The following MFSD1 variants were observed in gnomAD, a reference collection of about 807,000 sequenced individuals.
The protein encoded by MFSD1 is major facilitator superfamily domain containing 1.
Under a neutral mutation model 67.1 loss-of-function variants are expected in MFSD1, and 59 were observed. The observed-to-expected ratio is 0.88, with a 90% CI of 0.71 to 1.09. The LOEUF (loss-of-function observed/expected upper bound fraction) is 1.09. MFSD1 is among the 50% of genes least tolerant of loss of function. The pLI is 0.00. For missense variants in MFSD1, 552 were observed against 566.1 expected, an observed-to-expected ratio of 0.97 and a Z score of 0.25; for synonymous variants, 213 against 200.3, an observed-to-expected ratio of 1.06 and a Z score of -0.54.
At position 158,802,095 on chromosome 3, in the gene MFSD1, C is replaced by G. The variant is rs1729469609; in HGVS notation, c.-58C>G. 1.9e-6 allele frequency: 3 copies of G among 1,592,574 alleles called. No individual in the cohort carries two copies. The African/African-American group carries it at 4.0e-5, about 21-fold the overall frequency. On this transcript the variant is annotated 5_prime_UTR_variant, in exon 1 of 16. Coordinates refer to ENST00000415822, the MANE Select transcript of MFSD1 (RefSeq NM_022736.4). ...TCTTGACAGTGTTCCACGGGCGCTG[C>G]TTCCTGCCTGGGTTTGGAGTTGTCA...
chr3:158,811,116 T>C (rs185064504), intron 6 of MFSD1, among the ~76,000 whole-genome samples: 84 of 152,340 alleles, frequency 5.5e-4, no homozygotes, highest in African/African-American at 1.9e-3. Context: ...TGTGTATGTA[T>C]TTTCTTTTGA....
At chr3:158,807,176 C>G in intron 4 of MFSD1, 94 bp downstream of exon 4, 2 of 1,204,136 alleles carry the variant, frequency 1.7e-6, no homozygotes, top group South Asian at 2.6e-5. Flanking sequence ...TAATTAATGC[C>G]TAGCTTAATT....
intron 7 of MFSD1, 32 bp downstream of exon 7, chr3:158,814,099 C>T (rs1293050695): frequency 6.6e-7 from 1 of 1,509,166 alleles, no homozygotes; most frequent in Non-Finnish European, 9.2e-7. Flanking sequence ...CATCTCTCCT[C>T]TTCTGAAGGC....
At chr3:158,816,694 C>T (rs1016293587) in intron 7 of MFSD1, among the ~76,000 whole-genome samples, 2 of 151,328 alleles carry the variant, frequency 1.3e-5, no homozygotes, top group Non-Finnish European at 2.9e-5. Flanking sequence ...GTTGCCATTG[C>T]TTTTGGTGTT....
At chr3:158,805,249 C>A in intron 2 of MFSD1, 113 bp from the exon 3 acceptor site, 1 of 876,670 alleles carries the variant, frequency 1.1e-6, no homozygotes, top group Non-Finnish European at 1.9e-6. Flanking sequence ...AAAACTTGCC[C>A]TTTACAGAAA....
Position 158,817,166 on chromosome 3 carries a change from G to A in MFSD1, c.653-2483G>A, listed in dbSNP as rs184207121. ...CATACTGAATGGGCAAAAACTGGAA[G>A]CATTCCCTTTGAAAACTGGCACAAG... On this transcript the variant is annotated intron_variant, in intron 7 of 15. Transcript: ENST00000415822. 2.3e-3 allele frequency among the ~76,000 whole-genome samples: 355 copies of A among 152,238 alleles called. 2 individuals are homozygous for A. Among genetic ancestry groups the A allele is most frequent in the African/African-American group, 8.2e-3 (339 of 41,534 alleles).
At chr3:158,822,230 T>C in intron 11 of MFSD1, 90 bp downstream of exon 11, 1 of 1,274,862 alleles carries the variant, frequency 7.8e-7, no homozygotes, top group Non-Finnish European at 1.1e-6. Flanking sequence ...CAAATTCAGA[T>C]GACAAGGCCT....
rs1485769603 is a variant in MFSD1 at position 158,826,169 on chromosome 3, CT to C, written c.1336+110del. 2.2e-5 allele frequency: 17 copies of C among 771,590 alleles called. No homozygotes were observed. In the African/African-American group the frequency reaches 2.8e-4, roughly 13 times the overall value. 47.8% of individuals were successfully genotyped at this position (771,590 alleles called of 1,614,324 possible). On this transcript the variant is annotated intron_variant, in intron 14 of 15. Coordinates refer to ENST00000415822, the MANE Select transcript of MFSD1 (RefSeq NM_022736.4). ...AGTGCTTTATTCCATGCAGTAATGA[CT>C]TTCTGTTCATAATGATGGAAACACA...
chr3:158,819,848 A>C, intron 8 of MFSD1, 101 bp downstream of exon 8: 1 of 565,496 alleles, frequency 1.8e-6, no homozygotes, highest in Non-Finnish European at 3.1e-6. Flanking sequence ...AACCAGGTGG[A>C]GCTTAAGACA....
intron 7 of MFSD1, among the ~76,000 whole-genome samples, chr3:158,816,742 T>C (rs1730371294): frequency 6.6e-6 from 1 of 151,458 alleles, no homozygotes; most frequent in African/African-American, 2.4e-5. Context: ...ATGTCCTGAA[T>C]GGTAATGCCT....
chr3:158,810,677 G>A (rs764695942), intron 6 of MFSD1, among the ~76,000 whole-genome samples: 7 of 152,246 alleles, frequency 4.6e-5, no homozygotes, highest in Middle Eastern at 3.4e-3. Context: ...AGATATTTCC[G>A]CATTATCATT....
At chr3:158,813,786 T>G (rs2108216440) in intron 6 of MFSD1, among the ~76,000 whole-genome samples, 179 bp from the exon 7 acceptor site, 1 of 151,186 alleles carries the variant, frequency 6.6e-6, no homozygotes, top group South Asian at 2.1e-4. Flanking sequence ...TTTTCTGCTG[T>G]CGTAACTATC....
rs1321219959 is a variant in MFSD1 at position 158,829,699 on chromosome 3, T to TA, written c.*721dup. ...TAATTGCCTATGTACATGGATAAAT[T>TA]AAAACACTGCACACGGAGTACTTGA... On this transcript the variant is annotated 3_prime_UTR_variant, in exon 16 of 16. Transcript: ENST00000415822. The TA allele has an allele frequency of 6.6e-6, 1 of 152,236 alleles. No individual in the cohort carries two copies. The highest frequency in any genetic ancestry group is 1.5e-5 in the Non-Finnish European group (1 of 68,036). 9.4% of individuals were successfully genotyped at this position (152,236 alleles called of 1,614,324 possible).
chr3:158,823,537 C>A lies in MFSD1; in HGVS notation c.1175+12C>A. ...ACTGCATATGGCTTGTAAGTATTTA[C>A]GCTGTGGATCGTATATGTCTGTCTC... On this transcript the variant is annotated intron_variant, in intron 12 of 15. Transcript: ENST00000415822. 1.3e-6 allele frequency: 2 copies of A among 1,526,438 alleles called. No homozygotes were observed. The highest frequency in any genetic ancestry group is 1.8e-6 in the Non-Finnish European group (2 of 1,100,180). 94.6% of individuals were successfully genotyped at this position (1,526,438 alleles called of 1,614,324 possible).
Position 158,824,281 on chromosome 3 carries a change from C to A in MFSD1, c.1288+45C>A, listed in dbSNP as rs2108234725. On this transcript the variant is annotated intron_variant, in intron 13 of 15. Coordinates refer to ENST00000415822, the MANE Select transcript of MFSD1 (RefSeq NM_022736.4). ...ACATTTTGTTTCTTTTACTACATAA[C>A]AGAATGTTCTTATTTTTACTTAGGC... is the stretch of plus-strand genomic sequence containing the variant. 5 of 1,335,194 alleles carry A rather than the reference C, an allele frequency of 3.7e-6. No individual in the cohort carries two copies. The East Asian group carries it at 9.3e-5, about 25-fold the overall frequency. 82.7% of individuals were successfully genotyped at this position (1,335,194 alleles called of 1,614,324 possible). A position where few individuals can be genotyped will look rare whatever the true frequency, so the allele number is the denominator to read the frequency against.
rs371107884 is a variant in MFSD1 at position 158,829,024 on chromosome 3, C to T, written c.*42C>T. 2.1e-4 allele frequency: 324 copies of T among 1,567,242 alleles called. No homozygotes were observed. The highest frequency in any genetic ancestry group is 8.7e-4 in the Admixed American group (46 of 53,160). ...TGTCATGAGAATGGGCTTAACACATCGTTGGTTTGAAAACTTCCATTTTTA... is the reference window on the plus strand; with the variant it reads ...TGTCATGAGAATGGGCTTAACACATTGTTGGTTTGAAAACTTCCATTTTTA... On this transcript the variant is annotated 3_prime_UTR_variant, in exon 16 of 16. Transcript: ENST00000415822.
intron 3 of MFSD1, among the ~76,000 whole-genome samples, chr3:158,806,189 C>T (rs1729717061): frequency 6.6e-6 from 1 of 152,148 alleles, no homozygotes. Context: ...CACCTGGGGA[C>T]TAACCTTTAA....
chr3:158,812,699 G>A (rs1447594601), intron 6 of MFSD1, among the ~76,000 whole-genome samples: 2 of 152,180 alleles, frequency 1.3e-5, no homozygotes, highest in Non-Finnish European at 2.9e-5. Flanking sequence ...CTGCCAGTAT[G>A]AGTCTGTCAA....
At chr3:158,803,301 C>T (rs1729552907) in intron 1 of MFSD1, among the ~76,000 whole-genome samples, 1 of 152,102 alleles carries the variant, frequency 6.6e-6, no homozygotes, top group African/African-American at 2.4e-5. Flanking sequence ...TAGCGCTGAA[C>T]ATATAAGTAG....
Sources: allele counts gnomAD v4.1 joint callset (sites outside exome capture counted in the v4.1 genomes callset), GRCh38; gene constraint gnomAD v4.1.1; transcripts MANE v1.5; gene names NCBI Gene and HGNC (gene_info 2026-07-23, HGNC 2026-07-21).